SLC28A1: variants seen among roughly 807,000 people sequenced by gnomAD.
The protein encoded by SLC28A1 is sodium/nucleoside cotransporter 1.
In SLC28A1, 64 loss-of-function variants were observed where a neutral mutation model predicts 74.8. The observed-to-expected ratio is 0.86, with a 90% CI of 0.70 to 1.05. SLC28A1 has a LOEUF of 1.05. Among genes scored for constraint, SLC28A1 ranks in the 50% least tolerant of loss-of-function variants. The pLI, the probability that SLC28A1 is intolerant of heterozygous loss-of-function variation, is 0.00. For synonymous variants in SLC28A1, 359 were observed against 335.0 expected (o/e 1.07, Z -0.78); for missense variants, 828 against 822.8 (o/e 1.01, Z -0.08).
chr15:84,905,715 C>T lies in SLC28A1; in HGVS notation c.717+63C>T, dbSNP rs762982941. The stretch of plus-strand genomic sequence containing the variant: ...ATTACTGGGAGTAGGGGAGAAGCCA[C>T]TTGGCAGGGGGAAAAGTGGGTGGTG... On this transcript the variant is annotated intron_variant, in intron 8 of 18. Transcript: ENST00000394573. 4.1e-6 allele frequency: 5 copies of T among 1,224,004 alleles called. No individual in the cohort carries two copies. In the East Asian group the frequency reaches 7.0e-5, roughly 17 times the overall value. The allele number at this position is 1,224,004 out of a possible 1,614,324, so 75.8% of individuals were successfully genotyped here.
At position 84,904,487 on chromosome 15, in the gene SLC28A1, C is replaced by G. The variant is rs1003997054; in HGVS notation, c.603+249C>G. Among the ~76,000 whole-genome samples the G allele has an allele frequency of 2.6e-5, 4 of 152,190 alleles. No homozygotes were observed. In the South Asian group the frequency reaches 8.3e-4, roughly 31 times the overall value. ...ATTTGTTTCCTTGGTGACATGTCCT[C>G]TGGTCAGTCTAATCCTGGTCTTCAG... On this transcript the variant is annotated intron_variant, in intron 7 of 18. Coordinates refer to ENST00000394573, the MANE Select transcript of SLC28A1 (RefSeq NM_004213.5).
intron 11 of SLC28A1, among the ~76,000 whole-genome samples, chr15:84,922,526 C>T (rs1969953733): frequency 6.6e-6 from 1 of 152,212 alleles, no homozygotes; most frequent in Non-Finnish European, 1.5e-5. Flanking sequence ...CAACCCCCCG[C>T]TGCCCGGGCC....
At chr15:84,936,497 T>C (rs1050426246) in intron 15 of SLC28A1, among the ~76,000 whole-genome samples, 8 of 151,974 alleles carry the variant, frequency 5.3e-5, no homozygotes, top group African/African-American at 1.9e-4. Context: ...CCTCAAATAA[T>C]CCACCCGCCT....
the SLC28A1 span, among the ~76,000 whole-genome samples, chr15:84,971,556 G>A: frequency 6.6e-6 from 1 of 152,160 alleles, no homozygotes; most frequent in East Asian, 1.9e-4. Context: ...GAAGCAGCCT[G>A]TGGCCCTCAC....
chr15:84,971,424 T>C, the SLC28A1 span, among the ~76,000 whole-genome samples: 116 of 152,278 alleles, frequency 7.6e-4, 1 homozygote, highest in African/African-American at 2.7e-3. Flanking sequence ...GAGCTCTTGC[T>C]TTATTAGAGT....
chr15:84,906,553 T>TCTTGC (rs1967203423), intron 8 of SLC28A1, among the ~76,000 whole-genome samples: 1 of 88,726 alleles, frequency 1.1e-5, no homozygotes, highest in African/African-American at 4.4e-5. Flanking sequence ...TCTTTCTTTC[T>TCTTGC]TTCTTTCTTT....
At chr15:84,935,945 G>GTTT (rs1491147464) in intron 15 of SLC28A1, among the ~76,000 whole-genome samples, 52 of 85,922 alleles carry the variant, frequency 6.1e-4, no homozygotes, top group African/African-American at 1.5e-3. Flanking sequence ...TTTTGGTTTG[G>GTTT]TTTTTGTTTT....
intron 8 of SLC28A1, among the ~76,000 whole-genome samples, chr15:84,906,051 G>C (rs190830862): frequency 1.4e-5 from 2 of 141,054 alleles, no homozygotes; most frequent in African/African-American, 2.6e-5. Flanking sequence ...AAGGAGTCTC[G>C]CTTTGTCACC....
chr15:84,925,918 C>T (rs550892221), intron 12 of SLC28A1, among the ~76,000 whole-genome samples: 114 of 152,032 alleles, frequency 7.5e-4, no homozygotes, highest in Non-Finnish European at 6.3e-4. Context: ...AAACCCTTTA[C>T]GTGCCCCCAA....
chr15:84,899,457 A>C (rs1966364804), intron 6 of SLC28A1, among the ~76,000 whole-genome samples: 1 of 152,246 alleles, frequency 6.6e-6, no homozygotes, highest in South Asian at 2.1e-4. Flanking sequence ...CATGAAGACT[A>C]TACCAAGGCA....
chr15:84,916,541 C>A (rs1459007951), intron 9 of SLC28A1, among the ~76,000 whole-genome samples: 1 of 152,144 alleles, frequency 6.6e-6, no homozygotes, highest in Non-Finnish European at 1.5e-5. Flanking sequence ...AACCACCATG[C>A]TGGGCCAACC....
downstream of SLC28A1, among the ~76,000 whole-genome samples, chr15:84,946,458 A>G: frequency 6.6e-6 from 1 of 151,986 alleles, no homozygotes; most frequent in South Asian, 2.1e-4. Context: ...AGTAGGTGTT[A>G]TTATTGTCAC....
At chr15:84,888,897 G>A (rs17215927) in intron 4 of SLC28A1, 37 bp downstream of exon 4, 1 of 1,449,182 alleles carries the variant, frequency 6.9e-7, no homozygotes, top group South Asian at 1.2e-5. Flanking sequence ...CGGGCCTGGG[G>A]TGGAGGCTGC....
intron 12 of SLC28A1, among the ~76,000 whole-genome samples, chr15:84,925,326 C>T (rs1030005321): frequency 3.3e-5 from 5 of 151,948 alleles, no homozygotes; most frequent in South Asian, 2.1e-4. Context: ...TTCTTGGGCC[C>T]ACCCTAGACC....
intron 9 of SLC28A1, among the ~76,000 whole-genome samples, chr15:84,912,565 T>G (rs556669017): frequency 5.3e-5 from 8 of 152,210 alleles, no homozygotes; most frequent in Non-Finnish European, 1.0e-4. Context: ...TTCTAGTAAC[T>G]TTCCACCCGC....
In SLC28A1 at chr15:84,943,437, A is replaced by G. The variant is rs200111190; in HGVS notation, c.1582-8A>G. ...GAGCCCCTCCTCATGCATCTTCTGT[A>G]TTTTCAGGTCAGAGCTGAAGTCCTC... On this transcript the variant is annotated splice_polypyrimidine_tract_variant and splice_region_variant and intron_variant, in intron 15 of 18. Transcript: ENST00000394573. The G allele has an allele frequency of 4.0e-5, 65 of 1,611,856 alleles. No homozygotes were observed. Among genetic ancestry groups the G allele is most frequent in the Non-Finnish European group, 5.2e-5 (61 of 1,178,388 alleles).
chr15:84,894,410 C>T (rs557504231), intron 5 of SLC28A1, among the ~76,000 whole-genome samples: 1 of 152,098 alleles, frequency 6.6e-6, no homozygotes, highest in Non-Finnish European at 1.5e-5. Context: ...GACATCTCCC[C>T]CTCTGCTATC....
intron 6 of SLC28A1, 56 bp downstream of exon 6, chr15:84,895,179 T>C (rs1036038293): frequency 3.0e-5 from 48 of 1,603,644 alleles, no homozygotes; most frequent in African/African-American, 4.0e-5. Context: ...AGCTGAGGGG[T>C]TGGCTCCAGG....
intron 15 of SLC28A1, among the ~76,000 whole-genome samples, chr15:84,940,240 A>G (rs578248020): frequency 6.6e-6 from 1 of 152,336 alleles, no homozygotes; most frequent in East Asian, 1.9e-4. Flanking sequence ...CTGTGTGCCA[A>G]CAAGAGCCTG....
Sources: allele counts gnomAD v4.1 joint callset (sites outside exome capture counted in the v4.1 genomes callset), GRCh38; gene constraint gnomAD v4.1.1; transcripts MANE v1.5; gene names NCBI Gene and HGNC (gene_info 2026-07-23, HGNC 2026-07-21).